MYRF: variants seen among roughly 807,000 people sequenced by gnomAD.
MYRF encodes the protein myelin regulatory factor, also known as myelin gene regulatory factor.
MYRF carries 16 observed loss-of-function variants against 126.3 expected under a neutral mutation model. The ratio of observed to expected loss-of-function variants is 0.13; its 90% CI spans 0.09 to 0.19. The LOEUF (loss-of-function observed/expected upper bound fraction) is 0.19, where lower values mean the gene tolerates loss of function less well. Among genes scored for constraint, MYRF ranks in the 10% least tolerant of loss-of-function variants. The pLI, the probability that MYRF is intolerant of heterozygous loss-of-function variation, is 1.00. For missense variants in MYRF, 1,104 were observed against 1,547.0 expected (o/e 0.71, Z 4.80); for synonymous variants, 608 against 635.3 (o/e 0.96, Z 0.65).
At chr11:61,759,051 G>T (rs2065837214) in intron 1 of MYRF, among the ~76,000 whole-genome samples, 1 of 152,244 alleles carries the variant, frequency 6.6e-6, no homozygotes, top group Non-Finnish European at 1.5e-5. Context: ...ACATATATGT[G>T]TGTGTGTTGG....
In MYRF at chr11:61,779,242, A is replaced by G. The variant is rs746130042; in HGVS notation, c.2014-21A>G. On this transcript the variant is annotated intron_variant, in intron 14 of 26. Transcript: ENST00000278836. ...GGCCCTCTGTGTTGGCCCATGGCCC[A>G]TGGCCCATGGCCCATGGCAGGAGCG... 23 of 1,534,802 alleles carry G rather than the reference A, an allele frequency of 1.5e-5. 1 individual carries two copies. The South Asian group carries it at 2.7e-4, about 18-fold the overall frequency.
chr11:61,779,204 C>G, intron 14 of MYRF, 59 bp from the exon 15 acceptor site: 1 of 1,497,964 alleles, frequency 6.7e-7, no homozygotes, highest in South Asian at 1.3e-5. Flanking sequence ...CCTGGGGCTC[C>G]CGGGGCTGAC....
intron 14 of MYRF, 60 bp from the exon 15 acceptor site, chr11:61,779,203 C>T (rs1379478268): frequency 8.0e-6 from 12 of 1,495,862 alleles, no homozygotes; most frequent in Non-Finnish European, 1.1e-5. Context: ...GCCTGGGGCT[C>T]CCGGGGCTGA....
At chr11:61,781,520 A>G in intron 21 of MYRF, 53 bp from the exon 22 acceptor site, 2 of 1,583,142 alleles carry the variant, frequency 1.3e-6, no homozygotes, top group Non-Finnish European at 1.7e-6. Flanking sequence ...AGACAGCTGG[A>G]CAGGAAGCAG....
Position 61,785,888 on chromosome 11 carries a change from T to A in MYRF, c.3375+14T>A. The A allele has an allele frequency of 6.2e-7, 1 of 1,613,322 alleles. No homozygotes were observed. The highest frequency in any genetic ancestry group is 8.5e-7 in the Non-Finnish European group (1 of 1,179,264). The stretch of plus-strand genomic sequence containing the variant: ...GTGGCACTGCTGGTGAGCAGGGGCA[T>A]CCCACCTACCCTGGAGGTCTGGGCA... On this transcript the variant is annotated intron_variant, in intron 26 of 26. Transcript: ENST00000278836.
intron 1 of MYRF, among the ~76,000 whole-genome samples, chr11:61,760,796 A>G (rs2065875520): frequency 6.6e-6 from 1 of 152,126 alleles, no homozygotes; most frequent in Non-Finnish European, 1.5e-5. Context: ...TCACTTGCTG[A>G]GGGTCATAGC....
chr11:61,753,146 C>T (rs952032655), intron 1 of MYRF, among the ~76,000 whole-genome samples: 2 of 152,140 alleles, frequency 1.3e-5, no homozygotes, highest in African/African-American at 4.8e-5. Context: ...TACTTTGCTT[C>T]CCCAGAACCC....
In MYRF at chr11:61,770,354, C is replaced by T. The variant is rs1391532691; in HGVS notation, c.569C>T (p.Pro190Leu). 1.4e-6 allele frequency: 2 copies of T among 1,472,622 alleles called. No homozygotes were observed. Among genetic ancestry groups the T allele is most frequent in the Admixed American group, 2.0e-5 (1 of 50,336 alleles). The allele number at this position is 1,472,622 out of a possible 1,614,324, so 91.2% of individuals were successfully genotyped here. The change falls in exon 5 of 27, where the codon CCA becomes CTA. Residue 190 changes from proline to leucine, a missense_variant. Pro to Leu is a moderately conservative substitution (Grantham distance 98). Transcript: ENST00000278836. ...CCAGCCCACTTGCCAGGCCCCCCGC[C>T]ACCCCCACCACCCCCACCTCACTAC... ...PPPAHLPGPP[P>L]PPPPPPHYPV...
chr11:61,779,557 A>G lies in MYRF; in HGVS notation c.2234A>G (p.Lys745Arg). The G allele has an allele frequency of 6.6e-7, 1 of 1,504,168 alleles. No individual in the cohort carries two copies. Among genetic ancestry groups the G allele is most frequent in the South Asian group, 1.4e-5 (1 of 72,914 alleles). The allele number at this position is 1,504,168 out of a possible 1,614,324, so 93.2% of individuals were successfully genotyped here. Reference sequence around the variant, plus strand: ...GTCCCCCACAAGAAGAGGCCCCCCAAGGTGGCCAGCAAGGTAGGGGTGAGC... The same window carrying G: ...GTCCCCCACAAGAAGAGGCCCCCCAGGGTGGCCAGCAAGGTAGGGGTGAGC... ...GSVPHKKRPP[K>R]VASKSSSVVP... Residue 745 changes from lysine to arginine, a missense_variant, in exon 16 of 27, where the codon AAG becomes AGG. By Grantham distance (26) the Lys-to-Arg change is conservative. This residue lies in a region of MYRF where 323 missense variants were observed against 383.1 expected (regional missense o/e 0.84). Transcript: ENST00000278836.
chr11:61,770,810 CA>C (rs1244816657), intron 5 of MYRF, among the ~76,000 whole-genome samples: 3 of 152,116 alleles, frequency 2.0e-5, no homozygotes, highest in Non-Finnish European at 4.4e-5. Context: ...GATCATGAGC[CA>C]GGGGCAGAGC....
In MYRF at chr11:61,781,129, C is replaced by A; in HGVS notation, c.2573-9C>A. On this transcript the variant is annotated splice_polypyrimidine_tract_variant and intron_variant, in intron 20 of 26. Transcript: ENST00000278836. Reference sequence around the variant, plus strand: ...CTTCTCTGGCTCATACAGCCTCTGGCCTCCTCAGTGACCACCAGCCTCACC... The same window carrying A: ...CTTCTCTGGCTCATACAGCCTCTGGACTCCTCAGTGACCACCAGCCTCACC... 1 of 1,613,022 alleles carries A rather than the reference C, an allele frequency of 6.2e-7. No homozygotes were observed. Among genetic ancestry groups the A allele is most frequent in the South Asian group, 1.1e-5 (1 of 91,074 alleles).
intron 25 of MYRF, 123 bp from the exon 26 acceptor site, chr11:61,785,677 G>A (rs988606375): frequency 2.3e-5 from 17 of 751,186 alleles, no homozygotes; most frequent in Non-Finnish European, 3.9e-5. Context: ...TCTCTTCAAA[G>A]TTCTCTGCTT....
intron 1 of MYRF, among the ~76,000 whole-genome samples, chr11:61,762,811 C>G (rs919854607): frequency 1.0e-3 from 153 of 152,320 alleles, no homozygotes; most frequent in Non-Finnish European, 1.5e-4. Context: ...AACTTCTTCC[C>G]CACCCACTGG....
intron 24 of MYRF, 33 bp from the exon 25 acceptor site, chr11:61,784,247 C>T: frequency 6.2e-7 from 1 of 1,600,996 alleles, no homozygotes; most frequent in East Asian, 2.2e-5. Context: ...GACTCTAGAA[C>T]CTCATTTCTC....
rs148802644 is a variant in MYRF at position 61,759,464 on chromosome 11, G to A, written c.47-6161G>A. On this transcript the variant is annotated intron_variant, in intron 1 of 26. Transcript: ENST00000278836. The stretch of plus-strand genomic sequence containing the variant: ...GCAGGTGGATCACCTGAGGTCAGGA[G>A]TTCGAGACCAGCCTGGCCAACATAG... 2.6e-3 allele frequency among the ~76,000 whole-genome samples: 400 copies of A among 152,314 alleles called. 3 individuals are homozygous for A. Among genetic ancestry groups the A allele is most frequent in the African/African-American group, 9.3e-3 (387 of 41,558 alleles).
chr11:61,787,331 C>T lies in MYRF; in HGVS notation c.*1188C>T, dbSNP rs1333736193. ...AGGGAAGAAGTTGTATCTTAAGTGCCACCTTCAAGTTTCTTAGTGGTGCCT... is the reference window on the plus strand; with the variant it reads ...AGGGAAGAAGTTGTATCTTAAGTGCTACCTTCAAGTTTCTTAGTGGTGCCT... On this transcript the variant is annotated 3_prime_UTR_variant, in exon 27 of 27. Transcript: ENST00000278836. The T allele has an allele frequency of 6.6e-6, 1 of 152,266 alleles. No homozygotes were observed. 9.4% of individuals were successfully genotyped at this position (152,266 alleles called of 1,614,324 possible).
At chr11:61,773,725 G>A (rs920169686) in intron 7 of MYRF, among the ~76,000 whole-genome samples, 2 of 152,154 alleles carry the variant, frequency 1.3e-5, no homozygotes, top group African/African-American at 2.4e-5. Context: ...TCACCAGGGC[G>A]GGGCGGTGGC....
rs2066232834 is a variant in MYRF, at chr11:61,771,899, G to A, written c.1062G>A (p.Gln354=). 1 of 1,614,054 alleles carries A rather than the reference G, an allele frequency of 6.2e-7. No individual in the cohort carries two copies. Among genetic ancestry groups the A allele is most frequent in the Non-Finnish European group, 8.5e-7 (1 of 1,180,038 alleles). ...CCAACTACCAGTCCATCAAGTGGCAGCCTCATCAGCAGAACAAGTGGGCGA... is the reference window on the plus strand; with the variant it reads ...CCAACTACCAGTCCATCAAGTGGCAACCTCATCAGCAGAACAAGTGGGCGA... ...LDPNYQSIKW[Q]PHQQNKWATL... is the part of the protein sequence containing the mutation. The change falls in exon 7 of 27, where the codon CAG becomes CAA. Residue 354 remains glutamine (Q), a synonymous_variant. Coordinates refer to ENST00000278836, the MANE Select transcript of MYRF (RefSeq NM_001127392.3).
chr11:61,781,491 C>G, intron 21 of MYRF, 82 bp from the exon 22 acceptor site: 2 of 1,555,242 alleles, frequency 1.3e-6, no homozygotes, highest in Non-Finnish European at 1.7e-6. Flanking sequence ...GGGGTTCACT[C>G]AGTCTTGTGG....
Sources: gnomAD v4.1 joint callset for allele counts (sites outside exome capture counted in the v4.1 genomes callset) on GRCh38, gnomAD v4.1.1 for gene constraint, gnomAD v4.1.1 regional missense constraint, MANE v1.5 for transcripts, NCBI Gene and HGNC (gene_info 2026-07-23, HGNC 2026-07-21) for gene names.